Variants in METTL15 observed in about 807,000 individuals in gnomAD.
METTL15 encodes 12S rRNA N(4)-cytidine methyltransferase METTL15.
Under a neutral mutation model 38.3 loss-of-function variants are expected in METTL15, and 34 were observed. That is an observed-to-expected ratio of 0.89 (90% CI 0.68 to 1.18). The LOEUF (loss-of-function observed/expected upper bound fraction) is 1.18, where lower values mean the gene tolerates loss of function less well. METTL15 is among the 50% of genes most tolerant of loss of function. The pLI is 0.00. For synonymous variants in METTL15, 162 were observed against 170.9 expected (o/e 0.95, Z 0.41); for missense variants, 438 against 498.4 (o/e 0.88, Z 1.15).
At chr11:28,120,790 A>G (rs186912493) in intron 3 of METTL15, among the ~76,000 whole-genome samples, 3 of 152,058 alleles carry the variant, frequency 2.0e-5, no homozygotes, top group Admixed American at 6.5e-5. Context: ...GGGTTTGTCA[A>G]CTTATCCTTC....
At chr11:28,449,702 A>G (rs553776360) in intron 6 of METTL15, among the ~76,000 whole-genome samples, 1 of 152,294 alleles carries the variant, frequency 6.6e-6, no homozygotes, top group Non-Finnish European at 1.5e-5. Context: ...AGTTCTAGAC[A>G]TAGCTCTTAA....
At chr11:28,165,869 G>T (rs148730490) in intron 3 of METTL15, among the ~76,000 whole-genome samples, 2 of 152,174 alleles carry the variant, frequency 1.3e-5, no homozygotes, top group African/African-American at 4.8e-5. Flanking sequence ...TCTTCTGTAT[G>T]AAGATATCCA....
intron 3 of METTL15, among the ~76,000 whole-genome samples, chr11:28,199,745 C>CTTT (rs796080440): frequency 7.0e-6 from 1 of 142,360 alleles, no homozygotes; most frequent in Non-Finnish European, 1.5e-5. Flanking sequence ...ATTAAGTTGA[C>CTTT]TTTTTTTTTT....
chr11:28,347,096 T>G (rs1850002781), intron 3 of METTL15, among the ~76,000 whole-genome samples: 1 of 152,216 alleles, frequency 6.6e-6, no homozygotes, highest in African/African-American at 2.4e-5. Flanking sequence ...CATGTTTCCT[T>G]GGAATTTCCT....
intron 3 of METTL15, among the ~76,000 whole-genome samples, chr11:28,121,184 A>G (rs1373292883): frequency 1.3e-5 from 2 of 152,082 alleles, no homozygotes; most frequent in Non-Finnish European, 2.9e-5. Context: ...TTGTATTATA[A>G]TTATTTCTTC....
At chr11:28,483,037 G>GAA (rs112033245) in intron 6 of METTL15, among the ~76,000 whole-genome samples, 11 of 145,294 alleles carry the variant, frequency 7.6e-5, no homozygotes, top group African/African-American at 2.7e-4. Flanking sequence ...CAGTGAACAT[G>GAA]AAAAAAAAAA....
chr11:28,122,918 A>T (rs1852313636), intron 3 of METTL15, among the ~76,000 whole-genome samples: 1 of 152,068 alleles, frequency 6.6e-6, no homozygotes, highest in Non-Finnish European at 1.5e-5. Flanking sequence ...GAATTAAGAT[A>T]AAAAAATCAA....
rs1590343779 is a variant in METTL15, at chr11:28,357,927, C to A, written c.*259-4010C>A. On this transcript the variant is annotated intron_variant and NMD_transcript_variant, in intron 4 of 7. Transcript: ENST00000532947. ...TCAAGTGTTATTGGCAGAATTTGGGCCCCCATGACCTTTTCTCTATCTAGT... is the reference window on the plus strand; with the variant it reads ...TCAAGTGTTATTGGCAGAATTTGGGACCCCATGACCTTTTCTCTATCTAGT... Among the ~76,000 whole-genome samples the A allele has an allele frequency of 3.3e-5, 5 of 151,896 alleles. 1 individual carries two copies. Among genetic ancestry groups the A allele is most frequent in the Admixed American group, 3.3e-4 (5 of 15,228 alleles).
chr11:28,363,445 T>C (rs1052620924), intron 5 of METTL15, among the ~76,000 whole-genome samples: 1 of 152,220 alleles, frequency 6.6e-6, no homozygotes, highest in Non-Finnish European at 1.5e-5. Flanking sequence ...GTGCTGGGAT[T>C]ACAGACATGA....
At chr11:28,392,192 A>C (rs1489924466) in intron 5 of METTL15, among the ~76,000 whole-genome samples, 1 of 152,206 alleles carries the variant, frequency 6.6e-6, no homozygotes, top group Non-Finnish European at 1.5e-5. Context: ...ACATTTATGC[A>C]GCCAAAAGAC....
chr11:28,254,703 T>C (rs1447253611), intron 4 of METTL15, among the ~76,000 whole-genome samples: 2 of 152,172 alleles, frequency 1.3e-5, no homozygotes, highest in African/African-American at 4.8e-5. Context: ...CAAATGGATA[T>C]ACAGTTTTCT....
At chr11:28,267,900 A>G (rs1855488912) in intron 4 of METTL15, among the ~76,000 whole-genome samples, 1 of 152,226 alleles carries the variant, frequency 6.6e-6, no homozygotes, top group Non-Finnish European at 1.5e-5. Context: ...ATGTCTACAT[A>G]TAAGAATAAA....
At chr11:28,295,701 C>G (rs1856707254) in intron 5 of METTL15, among the ~76,000 whole-genome samples, 1 of 151,940 alleles carries the variant, frequency 6.6e-6, no homozygotes. Context: ...GGGGGATAAG[C>G]CAAAGACAGC....
Position 28,216,298 on chromosome 11 carries a change from G to A in METTL15, c.407+5100G>A, listed in dbSNP as rs769306553. 3.3e-5 allele frequency among the ~76,000 whole-genome samples: 5 copies of A among 151,946 alleles called. No individual in the cohort carries two copies. The South Asian group carries it at 8.4e-4, about 25-fold the overall frequency. Reference sequence around the variant, plus strand: ...TACAAGAATAGGCAAGTGGATTAATGGAGGAAATAATCCAAAAATTGATTC... The same window carrying A: ...TACAAGAATAGGCAAGTGGATTAATAGAGGAAATAATCCAAAAATTGATTC... On this transcript the variant is annotated intron_variant, in intron 4 of 6. Coordinates refer to ENST00000407364, the MANE Select transcript of METTL15 (RefSeq NM_001113528.2).
chr11:28,269,651 A>C (rs553096995), intron 4 of METTL15, among the ~76,000 whole-genome samples: 29 of 152,206 alleles, frequency 1.9e-4, no homozygotes, highest in Admixed American at 3.3e-4. Flanking sequence ...ACATTTGTTT[A>C]CTATCAGCAC....
intron 3 of METTL15, among the ~76,000 whole-genome samples, chr11:28,133,659 TTGTATGCTTA>T (rs1372678365): frequency 6.6e-6 from 1 of 152,156 alleles, no homozygotes; most frequent in East Asian, 1.9e-4. Flanking sequence ...TACCATATCA[TTGTATGCTTA>T]AGCAGCCCAT....
chr11:28,359,912 G>C (rs910020463), intron 4 of METTL15, among the ~76,000 whole-genome samples: 1 of 152,070 alleles, frequency 6.6e-6, no homozygotes, highest in African/African-American at 2.4e-5. Context: ...AGTGATTTTT[G>C]AGAGGTTCGA....
chr11:28,388,110 A>G (rs946130514), intron 5 of METTL15, among the ~76,000 whole-genome samples: 2 of 152,108 alleles, frequency 1.3e-5, no homozygotes, highest in African/African-American at 4.8e-5. Context: ...TGAAAAACTA[A>G]CATCTTTTCC....
chr11:28,391,819 A>T (rs1850511793), intron 5 of METTL15, among the ~76,000 whole-genome samples: 1 of 152,194 alleles, frequency 6.6e-6, no homozygotes, highest in African/African-American at 2.4e-5. Context: ...TTAATTCAAG[A>T]TGGGTTAAAG....
Sources: allele counts gnomAD v4.1 joint callset (sites outside exome capture counted in the v4.1 genomes callset), GRCh38; gene constraint gnomAD v4.1.1; transcripts MANE v1.5; gene names NCBI Gene and HGNC (gene_info 2026-07-23, HGNC 2026-07-21).